The following SPTBN1 variants were observed in gnomAD, a reference collection of about 807,000 sequenced individuals.
SPTBN1 encodes spectrin beta, non-erythrocytic 1, also known as spectrin beta chain, non-erythrocytic 1.
SPTBN1 carries 32 observed loss-of-function variants against 266.4 expected under a neutral mutation model. That is an observed-to-expected ratio of 0.12 (90% CI 0.09 to 0.16). The LOEUF (loss-of-function observed/expected upper bound fraction) is 0.16, where lower values mean the gene tolerates loss of function less well. Among genes scored for constraint, SPTBN1 ranks in the 10% least tolerant of loss-of-function variants. The pLI, the probability that SPTBN1 is intolerant of heterozygous loss-of-function variation, is 1.00. For synonymous variants in SPTBN1, 1,336 were observed against 1,162.2 expected (o/e 1.15, Z -3.04); for missense variants, 2,296 against 3,067.1 (o/e 0.75, Z 5.94).
intron 1 of SPTBN1, among the ~76,000 whole-genome samples, chr2:54,510,992 G>A (rs1342349177): frequency 6.6e-6 from 1 of 152,220 alleles, no homozygotes; most frequent in East Asian, 1.9e-4. Context: ...ATTATCCTGT[G>A]ACTTTCTGGA....
intron 2 of SPTBN1, among the ~76,000 whole-genome samples, chr2:54,579,860 G>A (rs1329859902): frequency 1.3e-5 from 2 of 152,252 alleles, no homozygotes; most frequent in African/African-American, 2.4e-5. Context: ...ATAGCCCACA[G>A]CAGTTAACTG....
chr2:54,635,738 T>C (rs1679078904), intron 17 of SPTBN1, among the ~76,000 whole-genome samples: 1 of 152,200 alleles, frequency 6.6e-6, no homozygotes, highest in African/African-American at 2.4e-5. Flanking sequence ...ATGGAATCCT[T>C]TATCCCTTTG....
chr2:54,557,939 C>T, intron 2 of SPTBN1: 2 of 985,392 alleles, frequency 2.0e-6, no homozygotes, highest in Non-Finnish European at 2.4e-6. Flanking sequence ...CGCACTGGGG[C>T]AGTCGCGCGC....
At chr2:54,632,915 A>G in intron 17 of SPTBN1, 147 bp downstream of exon 17, 1 of 829,344 alleles carries the variant, frequency 1.2e-6, no homozygotes, top group South Asian at 1.8e-5. Context: ...CTACCCATAC[A>G]GAAAATTAGT....
intron 2 of SPTBN1, chr2:54,545,632 C>T (rs1672193473): frequency 6.6e-6 from 1 of 152,096 alleles, no homozygotes; most frequent in Admixed American, 6.6e-5. Context: ...AAAATGGATT[C>T]AGATGGTGGT....
intron 18 of SPTBN1, among the ~76,000 whole-genome samples, chr2:54,638,545 TC>T (rs1679308823): frequency 6.6e-6 from 1 of 152,248 alleles, no homozygotes; most frequent in Non-Finnish European, 1.5e-5. Context: ...TTCATGCTCT[TC>T]TGATACATGC....
intron 2 of SPTBN1, among the ~76,000 whole-genome samples, chr2:54,530,281 AC>A (rs1011451280): frequency 6.6e-6 from 1 of 150,572 alleles, no homozygotes; most frequent in African/African-American, 2.4e-5. Flanking sequence ...GGTGAGGTAA[AC>A]TACTTGTTAC....
intron 2 of SPTBN1, among the ~76,000 whole-genome samples, chr2:54,589,968 C>T (rs1473288524): frequency 2.0e-5 from 3 of 152,116 alleles, no homozygotes; most frequent in African/African-American, 7.2e-5. Flanking sequence ...GTTAAAGTTG[C>T]AACAAATTAA....
In SPTBN1 at chr2:54,487,125, A is replaced by AAATTTGTTTT. The variant is rs1297148990; in HGVS notation, c.-48+30608_-48+30617dup. 5.3e-5 allele frequency among the ~76,000 whole-genome samples: 8 copies of AAATTTGTTTT among 151,410 alleles called. No individual in the cohort carries two copies. The East Asian group carries it at 1.5e-3, about 29-fold the overall frequency. ...ACACAGTTTATATTGTTCATGTATA[A>AAATTTGTTTT]AATTTGTTTTTCTATAGCTTTTTCT... On this transcript the variant is annotated intron_variant, in intron 1 of 35. Coordinates refer to ENST00000356805, the MANE Select transcript of SPTBN1 (RefSeq NM_003128.3).
At chr2:54,570,119 T>A (rs76470560) in intron 2 of SPTBN1, among the ~76,000 whole-genome samples, 5,971 of 152,258 alleles carry the variant, frequency 0.039, 149 homozygotes, top group Admixed American at 0.087. Flanking sequence ...CATCCAGCAC[T>A]TGGTCAGAGA....
chr2:54,478,575 G>A (rs1026926582), intron 1 of SPTBN1, among the ~76,000 whole-genome samples: 3 of 152,144 alleles, frequency 2.0e-5, no homozygotes, highest in South Asian at 4.1e-4. Context: ...GAGGCTAGGT[G>A]CAATCACACA....
intron 26 of SPTBN1, among the ~76,000 whole-genome samples, chr2:54,652,299 A>C (rs1490268745): frequency 1.3e-5 from 2 of 152,182 alleles, no homozygotes; most frequent in Non-Finnish European, 2.9e-5. Context: ...CCGTTCCCCA[A>C]AAAAAAGGTA....
chr2:54,651,642 C>A (rs1378707431), intron 26 of SPTBN1, among the ~76,000 whole-genome samples: 2 of 152,176 alleles, frequency 1.3e-5, no homozygotes, highest in African/African-American at 4.8e-5. Flanking sequence ...TGGAAATTTT[C>A]ACTTTTGCTG....
intron 2 of SPTBN1, among the ~76,000 whole-genome samples, chr2:54,581,961 A>T (rs1017605827): frequency 6.6e-6 from 1 of 152,148 alleles, no homozygotes; most frequent in Non-Finnish European, 1.5e-5. Context: ...AGCTGCAGAC[A>T]TGCTGCTCTG....
chr2:54,597,610 C>T (rs1676177235), intron 2 of SPTBN1, among the ~76,000 whole-genome samples: 1 of 152,184 alleles, frequency 6.6e-6, no homozygotes, highest in African/African-American at 2.4e-5. Flanking sequence ...GATTCTCCTG[C>T]CAGGTCGGCA....
At chr2:54,482,484 C>G (rs1313194292) in intron 1 of SPTBN1, among the ~76,000 whole-genome samples, 2 of 152,194 alleles carry the variant, frequency 1.3e-5, no homozygotes, top group African/African-American at 4.8e-5. Flanking sequence ...AAGAGGTCCT[C>G]AGGTGATTGT....
chr2:54,479,524 A>C (rs1397633043), intron 1 of SPTBN1, among the ~76,000 whole-genome samples: 5 of 152,150 alleles, frequency 3.3e-5, no homozygotes, highest in Non-Finnish European at 7.3e-5. Flanking sequence ...ATTTATGAGA[A>C]TGAAAGGAGA....
Position 54,645,911 on chromosome 2 carries a change from T to C in SPTBN1, c.4495-17T>C, listed in dbSNP as rs765924794. On this transcript the variant is annotated splice_polypyrimidine_tract_variant and intron_variant, in intron 21 of 35. Transcript: ENST00000356805. The surrounding 1 kb of genome is among the most constrained non-coding windows in gnomAD (Gnocchi z 4.3). ...TCCTCTGAGTGGATCTGACCACTTA[T>C]TTAAAATTCTTCCCAGTTGTGGGTT... The C allele has an allele frequency of 5.6e-6, 9 of 1,613,910 alleles. No individual in the cohort carries two copies. The highest frequency in any genetic ancestry group is 2.7e-5 in the African/African-American group (2 of 74,944).
chr2:54,538,631 G>A (rs577542684), intron 2 of SPTBN1, among the ~76,000 whole-genome samples: 2 of 152,178 alleles, frequency 1.3e-5, no homozygotes, highest in Non-Finnish European at 2.9e-5. Flanking sequence ...GGAATTTGCA[G>A]AGCTCTGAAT....
Sources: gnomAD v4.1 joint callset for allele counts (sites outside exome capture counted in the v4.1 genomes callset) on GRCh38, gnomAD v4.1.1 for gene constraint, Gnocchi (gnomAD v3.1) non-coding constraint, MANE v1.5 for transcripts, NCBI Gene and HGNC (gene_info 2026-07-23, HGNC 2026-07-21) for gene names.